Variants in TTC29 observed in about 807,000 individuals in gnomAD.
TTC29 encodes tetratricopeptide repeat protein 29.
TTC29 carries 49 observed loss-of-function variants against 58.1 expected under a neutral mutation model. The observed-to-expected ratio is 0.84, with a 90% CI of 0.67 to 1.07. The LOEUF is 1.07. Ranked by LOEUF, TTC29 falls within the 50% of genes least tolerant of loss-of-function variation. The probability of loss-of-function intolerance (pLI) is 0.00; values close to 1 mark genes in which losing one functional copy is unlikely to be tolerated. For missense variants in TTC29, 582 were observed against 555.6 expected (o/e 1.05, Z -0.48); for synonymous variants, 209 against 196.8 (o/e 1.06, Z -0.52).
At chr4:146,836,960 G>C (rs1400138995) in intron 8 of TTC29, among the ~76,000 whole-genome samples, 6 of 152,040 alleles carry the variant, frequency 3.9e-5, no homozygotes, top group Admixed American at 3.3e-4. Context: ...GCTAGAAACA[G>C]AACTACCATT....
In TTC29 at chr4:146,803,582, A is replaced by G. The variant is rs369531200; in HGVS notation, c.1205T>C (p.Ile402Thr). 3 of 1,608,032 alleles carry G rather than the reference A, an allele frequency of 1.9e-6. No individual in the cohort carries two copies. The highest frequency in any genetic ancestry group is 2.5e-6 in the Non-Finnish European group (3 of 1,176,822). The change falls in exon 11 of 13, where the codon ATA (isoleucine) becomes ACA (threonine). Residue 402 changes from isoleucine to threonine, a missense_variant. Physicochemically the swap from Ile to Thr is moderately conservative, Grantham distance 89. Transcript: ENST00000325106. ...AAGCATCATCTGATGAGCTTTTGCT[A>G]TTCCATAGTGAACTTTTGTCTCATC... ...LMDETKVHYG[I>T]AKAHQMMLTV...
intron 6 of TTC29, among the ~76,000 whole-genome samples, chr4:146,902,345 T>C (rs1733208697): frequency 6.6e-6 from 1 of 152,150 alleles, no homozygotes; most frequent in Non-Finnish European, 1.5e-5. Flanking sequence ...TAATGGGTAC[T>C]AGGCTTAGTA....
chr4:146,738,998 TA>T (rs568754320), intron 11 of TTC29, among the ~76,000 whole-genome samples: 33 of 151,710 alleles, frequency 2.2e-4, no homozygotes, highest in Non-Finnish European at 2.7e-4. Flanking sequence ...CTGGTAAATG[TA>T]AAAAAAAATT....
chr4:146,941,508 C>T (rs915979092), intron 2 of TTC29, among the ~76,000 whole-genome samples: 3 of 152,094 alleles, frequency 2.0e-5, no homozygotes, highest in Non-Finnish European at 4.4e-5. Context: ...AACAAATAAG[C>T]AAAATATATA....
rs1270145832 is a variant in TTC29 at position 146,909,163 on chromosome 4, A to T, written c.263T>A (p.Met88Lys). The T allele has an allele frequency of 6.2e-7, 1 of 1,613,794 alleles. No homozygotes were observed. Among genetic ancestry groups the T allele is most frequent in the South Asian group, 1.1e-5 (1 of 91,084 alleles). Residue 88 changes from methionine to lysine, a missense_variant, in exon 5 of 13, where the codon ATG becomes AAG. Met to Lys is a moderately conservative substitution (Grantham distance 95). Transcript: ENST00000325106. ...CTCCCTCAGGGCATCCCACCGCTCC[A>T]TCAGAGCGAAGAGCTCGGTGAAGGA... ...HKSFTELFAL[M>K]ERWDALREAA...
chr4:146,735,196 T>C (rs1001604703), intron 11 of TTC29, among the ~76,000 whole-genome samples: 2 of 152,024 alleles, frequency 1.3e-5, no homozygotes, highest in African/African-American at 4.8e-5. Context: ...GGCAAAATGA[T>C]GCAGGGACAA....
chr4:146,866,059 A>G (rs67082559), intron 8 of TTC29, among the ~76,000 whole-genome samples: 4,956 of 152,318 alleles, frequency 0.033, 135 homozygotes, highest in East Asian at 0.13. Context: ...ATTTGAATAT[A>G]TAGAATATTT....
At chr4:146,845,886 AT>A (rs1337281884) in intron 8 of TTC29, among the ~76,000 whole-genome samples, 1 of 151,292 alleles carries the variant, frequency 6.6e-6, no homozygotes, top group Non-Finnish European at 1.5e-5. Context: ...TGTGAAACAT[AT>A]CTACTTATTA....
intron 11 of TTC29, among the ~76,000 whole-genome samples, chr4:146,801,695 A>C (rs1355546272): frequency 1.3e-5 from 2 of 152,170 alleles, no homozygotes; most frequent in East Asian, 3.8e-4. Flanking sequence ...AAAACAAAAG[A>C]GCAAGGTGCA....
intron 11 of TTC29, among the ~76,000 whole-genome samples, chr4:146,735,291 C>G: frequency 6.6e-6 from 1 of 152,056 alleles, no homozygotes; most frequent in East Asian, 1.9e-4. Context: ...CTCTTCAAAC[C>G]AGAGGGTACA....
chr4:146,904,971 A>G (rs1223735305), intron 5 of TTC29, among the ~76,000 whole-genome samples: 1 of 152,230 alleles, frequency 6.6e-6, no homozygotes, highest in Admixed American at 6.5e-5. Context: ...ATGGAAATTA[A>G]CATTTATATC....
At position 146,845,093 on chromosome 4, in the gene TTC29, G is replaced by A. The variant is rs75983006; in HGVS notation, c.886-11196C>T. 4.0e-3 allele frequency among the ~76,000 whole-genome samples: 607 copies of A among 152,186 alleles called. 3 individuals are homozygous for A. Among genetic ancestry groups the A allele is most frequent in the African/African-American group, 0.014 (574 of 41,534 alleles). ...AACTGTTTGCTTCTCCTGGGAATTCGTAGGATTAGGGTTTCTCTCCTTGCC... is the reference window on the plus strand; with the variant it reads ...AACTGTTTGCTTCTCCTGGGAATTCATAGGATTAGGGTTTCTCTCCTTGCC... On this transcript the variant is annotated intron_variant, in intron 8 of 12. Coordinates refer to ENST00000325106, the MANE Select transcript of TTC29 (RefSeq NM_031956.4).
chr4:146,730,841 T>C (rs763875563), intron 11 of TTC29, among the ~76,000 whole-genome samples: 13 of 152,084 alleles, frequency 8.5e-5, no homozygotes, highest in African/African-American at 1.9e-4. Flanking sequence ...CAGGAAAGAA[T>C]AGGAAGGGAG....
At chr4:146,860,218 C>T (rs1730136688) in intron 8 of TTC29, among the ~76,000 whole-genome samples, 1 of 151,920 alleles carries the variant, frequency 6.6e-6, no homozygotes, top group East Asian at 1.9e-4. Context: ...GAACTCTCTC[C>T]CCCCAAAACT....
intron 6 of TTC29, among the ~76,000 whole-genome samples, chr4:146,894,278 C>G (rs1198685507): frequency 6.6e-6 from 1 of 151,934 alleles, no homozygotes; most frequent in African/African-American, 2.4e-5. Flanking sequence ...TTGGAACCAA[C>G]CCAAACGTCC....
chr4:146,944,578 A>C (rs893755274), intron 2 of TTC29, among the ~76,000 whole-genome samples: 6 of 152,184 alleles, frequency 3.9e-5, no homozygotes, highest in Admixed American at 3.9e-4. Context: ...ACTATGTCTG[A>C]GGCTGACCAG....
intron 4 of TTC29, among the ~76,000 whole-genome samples, chr4:146,930,915 A>T (rs1433276804): frequency 6.6e-6 from 1 of 152,250 alleles, no homozygotes; most frequent in Non-Finnish European, 1.5e-5. Flanking sequence ...TTTTAAATAG[A>T]GAAGTGCATT....
intron 11 of TTC29, among the ~76,000 whole-genome samples, chr4:146,767,619 G>A (rs1196080594): frequency 6.6e-6 from 1 of 152,044 alleles, no homozygotes; most frequent in African/African-American, 2.4e-5. Flanking sequence ...ACCTGAAGTA[G>A]GATATTATTG....
intron 11 of TTC29, among the ~76,000 whole-genome samples, chr4:146,732,734 C>A (rs1404805709): frequency 2.0e-5 from 3 of 151,936 alleles, no homozygotes; most frequent in Non-Finnish European, 4.4e-5. Flanking sequence ...GATGGAGTGA[C>A]AAAGAACTAG....
Sources: gnomAD v4.1 joint callset for allele counts (sites outside exome capture counted in the v4.1 genomes callset) on GRCh38, gnomAD v4.1.1 for gene constraint, MANE v1.5 for transcripts, NCBI Gene and HGNC (gene_info 2026-07-23, HGNC 2026-07-21) for gene names.